The following RTN1 variants were observed in gnomAD, a reference collection of about 807,000 sequenced individuals.
RTN1 encodes the protein reticulon 1.
In RTN1, 25 loss-of-function variants were observed where a neutral mutation model predicts 65.5. That is an observed-to-expected ratio of 0.38 (90% CI 0.28 to 0.53). The LOEUF is 0.53. RTN1 is among the 20% of genes least tolerant of loss of function. The pLI is 0.79. For missense variants in RTN1, 983 were observed against 1,025.4 expected, an observed-to-expected ratio of 0.96 and a Z score of 0.57; for synonymous variants, 471 against 447.6, an observed-to-expected ratio of 1.05 and a Z score of -0.66.
intron 3 of RTN1, among the ~76,000 whole-genome samples, chr14:59,653,857 A>T (rs1338653374): frequency 6.6e-6 from 1 of 152,196 alleles, no homozygotes; most frequent in African/African-American, 2.4e-5. Context: ...ACTAAACAGA[A>T]TATTGTTATA....
chr14:59,722,931 G>A (rs1884676772), intron 3 of RTN1, among the ~76,000 whole-genome samples: 1 of 151,798 alleles, frequency 6.6e-6, no homozygotes, highest in South Asian at 2.1e-4. Flanking sequence ...CTGAGTAGCT[G>A]GGACTACAGG....
At chr14:59,699,925 C>G (rs1230387138) in intron 3 of RTN1, among the ~76,000 whole-genome samples, 1 of 152,092 alleles carries the variant, frequency 6.6e-6, no homozygotes, top group Non-Finnish European at 1.5e-5. Context: ...TTCCTGCCAA[C>G]AAATTATGTT....
intron 8 of RTN1, among the ~76,000 whole-genome samples, chr14:59,600,638 A>C (rs974037648): frequency 6.6e-6 from 1 of 152,188 alleles, no homozygotes; most frequent in African/African-American, 2.4e-5. Flanking sequence ...CAGGCAAAAC[A>C]GGTTATTTGG....
intron 3 of RTN1, among the ~76,000 whole-genome samples, chr14:59,677,368 C>T (rs1353762186): frequency 6.6e-6 from 1 of 152,140 alleles, no homozygotes; most frequent in Non-Finnish European, 1.5e-5. Flanking sequence ...TGCTGGTACC[C>T]CACTGCTGTG....
intron 1 of RTN1, among the ~76,000 whole-genome samples, chr14:59,798,079 T>C (rs535834235): frequency 3.0e-4 from 45 of 152,306 alleles, no homozygotes; most frequent in Non-Finnish European, 5.1e-4. Flanking sequence ...CCTGGGCAAA[T>C]GGATATAACA....
chr14:59,638,606 T>G (rs924703343), intron 3 of RTN1, among the ~76,000 whole-genome samples: 1 of 152,364 alleles, frequency 6.6e-6, no homozygotes, highest in African/African-American at 2.4e-5. Context: ...CTGCTTCCCC[T>G]GGCATTTTTT....
intron 3 of RTN1, among the ~76,000 whole-genome samples, chr14:59,664,004 A>C (rs1245707363): frequency 1.3e-5 from 2 of 152,190 alleles, no homozygotes; most frequent in Non-Finnish European, 2.9e-5. Flanking sequence ...TCTACTCTAA[A>C]CACACATGCA....
chr14:59,859,198 A>G (rs1594770148), intron 1 of RTN1, among the ~76,000 whole-genome samples: 1 of 152,190 alleles, frequency 6.6e-6, no homozygotes, highest in Non-Finnish European at 1.5e-5. Flanking sequence ...CTGTGTCCCC[A>G]CCCAAATCTC....
chr14:59,862,982 CTCCCTGCAGGTG>C (rs1887736345), intron 1 of RTN1, among the ~76,000 whole-genome samples: 1 of 152,132 alleles, frequency 6.6e-6, no homozygotes. Flanking sequence ...TCTCCAACCA[CTCCCTGCAGGTG>C]TGCCCTCTCC....
At chr14:59,642,136 T>C (rs943639272) in intron 3 of RTN1, among the ~76,000 whole-genome samples, 2 of 152,218 alleles carry the variant, frequency 1.3e-5, no homozygotes, top group African/African-American at 4.8e-5. Flanking sequence ...TGGCAGTTTT[T>C]TTCTTTCAGC....
chr14:59,607,380 G>A lies in RTN1; in HGVS notation c.1878C>T (p.Tyr626=). 1.9e-6 allele frequency: 3 copies of A among 1,613,808 alleles called. No individual in the cohort carries two copies. Among genetic ancestry groups the A allele is most frequent in the Middle Eastern group, 1.7e-4 (1 of 6,056 alleles). ...TGGCTGAGAGTGCGGCCAGGGCCAG[G>A]TAGGCCACGACGCTCACCACGCTGA... ...TQFSVVSVVA[Y]LALAALSATI... is the part of the protein sequence containing the mutation. Residue 626 remains tyrosine (Y), a synonymous_variant, in exon 4 of 9, where the codon TAC becomes TAT. Transcript: ENST00000267484.
intron 3 of RTN1, among the ~76,000 whole-genome samples, chr14:59,690,372 A>G (rs988667223): frequency 2.0e-5 from 3 of 152,138 alleles, no homozygotes; most frequent in African/African-American, 7.2e-5. Flanking sequence ...ACATAATTAT[A>G]AAGCATTCAA....
In RTN1 at chr14:59,727,664, T is replaced by A. The variant is rs774200385; in HGVS notation, c.1020A>T (p.Pro340=). 46 of 1,599,112 alleles carry A rather than the reference T, an allele frequency of 2.9e-5. No individual in the cohort carries two copies. Among genetic ancestry groups the A allele is most frequent in the Non-Finnish European group, 3.2e-5 (38 of 1,172,340 alleles). Residue 340 remains proline, a synonymous_variant, in exon 3 of 9, where the codon CCA becomes CCT. Transcript: ENST00000267484. The surrounding 1 kb of genome is among the most constrained non-coding windows in gnomAD (Gnocchi z 4.2). The part of the protein sequence containing the change: ...SITPPSSGTE[P]SAAESQGKGS... The stretch of plus-strand genomic sequence containing the variant: ...CTTTCCCCTGGGATTCTGCAGCAGA[T>A]GGTTCTGTCGTCCCACAGAGCGAAG...
chr14:59,727,210 G>T lies in RTN1; in HGVS notation c.1474C>A (p.Pro492Thr). Reference protein sequence around the residue: ...KREQDSPPMKPSALDAIREET... With the variant: ...KREQDSPPMKTSALDAIREET... ...TCCCGGATGGCATCCAGGGCGCTGG[G>T]CTTCATCGGGGGTGAGTCCTGCTCC... The change falls in exon 3 of 9, where the codon CCC becomes ACC. Residue 492 changes from proline (P) to threonine (T), a missense_variant. Physicochemically the swap from Pro to Thr is conservative, Grantham distance 38. Coordinates refer to ENST00000267484, the MANE Select transcript of RTN1 (RefSeq NM_021136.3). This position sits in a 1 kb window ranked among gnomAD's most constrained non-coding sequence, Gnocchi z 4.2. 1 of 1,574,652 alleles carries T rather than the reference G, an allele frequency of 6.4e-7. No homozygotes were observed. The highest frequency in any genetic ancestry group is 8.6e-7 in the Non-Finnish European group (1 of 1,160,456).
chr14:59,671,127 G>C (rs1010512834), intron 3 of RTN1, among the ~76,000 whole-genome samples: 2 of 152,094 alleles, frequency 1.3e-5, no homozygotes, highest in Non-Finnish European at 2.9e-5. Context: ...AGGAGGGAGG[G>C]TTGTTATGTA....
chr14:59,775,561 C>T (rs1465065016), intron 1 of RTN1, among the ~76,000 whole-genome samples: 1 of 152,130 alleles, frequency 6.6e-6, no homozygotes, highest in Admixed American at 6.6e-5. Context: ...TATCAGCTCA[C>T]TCAATCCTTA....
intron 3 of RTN1, among the ~76,000 whole-genome samples, chr14:59,634,635 A>G (rs1882625041): frequency 6.6e-6 from 1 of 152,194 alleles, no homozygotes. Flanking sequence ...TGTCTCCATA[A>G]ATACAAAGGG....
rs368104372 is a variant in RTN1, at chr14:59,816,322, C to T, written c.241+54068G>A. Among the ~76,000 whole-genome samples the T allele has an allele frequency of 6.2e-4, 95 of 152,232 alleles. 1 individual carries two copies. The highest frequency in any genetic ancestry group is 2.1e-3 in the African/African-American group (88 of 41,530). On this transcript the variant is annotated intron_variant, in intron 1 of 8. Transcript: ENST00000267484. The surrounding 1 kb of genome is among the most constrained non-coding windows in gnomAD (Gnocchi z 4.3). ...ACAAAATAACAATTTCCCTGGAAGC[C>T]TCTGTCCACTCTCGCCCATCTCCAC...
intron 2 of RTN1, among the ~76,000 whole-genome samples, chr14:59,731,572 A>C (rs572240169): frequency 6.6e-6 from 1 of 152,330 alleles, no homozygotes; most frequent in Non-Finnish European, 1.5e-5. Flanking sequence ...AGTGAAAAGT[A>C]ATGCTTTTAT....
Sources: gnomAD v4.1 joint callset for allele counts (sites outside exome capture counted in the v4.1 genomes callset) on GRCh38, gnomAD v4.1.1 for gene constraint, Gnocchi (gnomAD v3.1) non-coding constraint, MANE v1.5 for transcripts, NCBI Gene and HGNC (gene_info 2026-07-23, HGNC 2026-07-21) for gene names.